The following CAMK2D variants were observed in gnomAD, a reference collection of about 807,000 sequenced individuals.
The protein encoded by CAMK2D is calcium/calmodulin dependent protein kinase II delta.
In CAMK2D, 37 loss-of-function variants were observed where a neutral mutation model predicts 84.0. That is an observed-to-expected ratio of 0.44 (90% CI 0.34 to 0.58). The LOEUF is 0.58. Ranked by LOEUF, CAMK2D falls within the 20% of genes least tolerant of loss-of-function variation. The pLI is 0.02. For synonymous variants in CAMK2D, 202 were observed against 212.5 expected (o/e 0.95, Z 0.43); for missense variants, 448 against 652.5 (o/e 0.69, Z 3.41).
chr4:113,673,632 C>T (rs1204964211), intron 2 of CAMK2D, among the ~76,000 whole-genome samples: 5 of 152,202 alleles, frequency 3.3e-5, no homozygotes. Flanking sequence ...GTTGGAACTG[C>T]ACCAGTGACT....
chr4:113,601,675 T>G (rs1173799900), intron 4 of CAMK2D, among the ~76,000 whole-genome samples: 2 of 146,976 alleles, frequency 1.4e-5, no homozygotes, highest in African/African-American at 5.0e-5. Context: ...GTAGATTAAC[T>G]GTTTATTCTT....
At chr4:113,637,037 G>A (rs1561515146) in intron 3 of CAMK2D, among the ~76,000 whole-genome samples, 1 of 152,128 alleles carries the variant, frequency 6.6e-6, no homozygotes, top group Non-Finnish European at 1.5e-5. Flanking sequence ...CCTCCCTCAG[G>A]TATCTGCAAG....
intron 2 of CAMK2D, among the ~76,000 whole-genome samples, chr4:113,731,276 T>C (rs1442982785): frequency 6.6e-6 from 1 of 152,208 alleles, no homozygotes; most frequent in Non-Finnish European, 1.5e-5. Context: ...ATTCATTTTA[T>C]AACTCTGTGT....
chr4:113,475,622 T>G (rs2097599667), intron 16 of CAMK2D, among the ~76,000 whole-genome samples: 1 of 152,238 alleles, frequency 6.6e-6, no homozygotes, highest in Non-Finnish European at 1.5e-5. Flanking sequence ...ATTTCAACTG[T>G]AAGAATGTCA....
At chr4:113,558,968 C>T (rs755821117) in intron 4 of CAMK2D, among the ~76,000 whole-genome samples, 2 of 151,920 alleles carry the variant, frequency 1.3e-5, no homozygotes, top group African/African-American at 4.8e-5. Flanking sequence ...GATGACAGAG[C>T]GAGACCCTGT....
At chr4:113,493,865 C>G (rs1295056413) in intron 16 of CAMK2D, among the ~76,000 whole-genome samples, 1 of 152,136 alleles carries the variant, frequency 6.6e-6, no homozygotes, top group African/African-American at 2.4e-5. Context: ...TTTCTCTAAA[C>G]TTCCCTTCTT....
At chr4:113,732,843 A>G (rs1340688449) in intron 2 of CAMK2D, among the ~76,000 whole-genome samples, 3 of 152,178 alleles carry the variant, frequency 2.0e-5, no homozygotes, top group East Asian at 3.8e-4. Context: ...TATGCAGCGC[A>G]TCCTATCAAA....
At chr4:113,705,232 C>T (rs1478255637) in intron 2 of CAMK2D, among the ~76,000 whole-genome samples, 2 of 147,938 alleles carry the variant, frequency 1.4e-5, no homozygotes, top group East Asian at 4.0e-4. Context: ...GAGGCTGAGG[C>T]AGGAGAATGT....
At chr4:113,706,196 C>T (rs995204007) in intron 2 of CAMK2D, among the ~76,000 whole-genome samples, 8 of 152,148 alleles carry the variant, frequency 5.3e-5, no homozygotes, top group African/African-American at 1.9e-4. Context: ...TATTATTAAA[C>T]CAGTGATGAA....
At chr4:113,760,861 C>T (rs2099639767) in intron 1 of CAMK2D, 143 bp downstream of exon 1, 3 of 981,784 alleles carry the variant, frequency 3.1e-6, no homozygotes, top group South Asian at 2.9e-5. Context: ...ACAGCACCTT[C>T]CCCAGAGCTG....
chr4:113,588,242 G>A (rs890363602), intron 4 of CAMK2D, among the ~76,000 whole-genome samples: 2 of 151,942 alleles, frequency 1.3e-5, no homozygotes, highest in Non-Finnish European at 2.9e-5. Context: ...AGGCTCCCCG[G>A]GTAATTGAAT....
chr4:113,633,327 A>T (rs529733049), intron 3 of CAMK2D, among the ~76,000 whole-genome samples: 1 of 152,294 alleles, frequency 6.6e-6, no homozygotes, highest in South Asian at 2.1e-4. Flanking sequence ...AGTTACCACA[A>T]TTCCTTGGTT....
chr4:113,691,181 G>C (rs2099386008), intron 2 of CAMK2D, among the ~76,000 whole-genome samples: 1 of 152,084 alleles, frequency 6.6e-6, no homozygotes. Context: ...ATATTAAAAA[G>C]ACATACGTCA....
chr4:113,487,995 T>C (rs763527119), intron 16 of CAMK2D, among the ~76,000 whole-genome samples: 49 of 152,062 alleles, frequency 3.2e-4, no homozygotes, highest in Non-Finnish European at 4.4e-4. Flanking sequence ...AGGTAAATTA[T>C]GTAACTTGCT....
At chr4:113,618,293 C>T (rs189220734) in intron 3 of CAMK2D, among the ~76,000 whole-genome samples, 65 of 152,202 alleles carry the variant, frequency 4.3e-4, no homozygotes, top group African/African-American at 1.4e-3. Context: ...ATTTATCTTG[C>T]CAAACCAAAA....
intron 4 of CAMK2D, among the ~76,000 whole-genome samples, chr4:113,606,437 T>C (rs1479614207): frequency 6.6e-6 from 1 of 150,616 alleles, no homozygotes; most frequent in African/African-American, 2.5e-5. Flanking sequence ...GCCACTGCAC[T>C]CAAGCCTGAA....
At chr4:113,470,477 A>C (rs1188304631) in intron 16 of CAMK2D, among the ~76,000 whole-genome samples, 1 of 152,130 alleles carries the variant, frequency 6.6e-6, no homozygotes, top group Non-Finnish European at 1.5e-5. Context: ...GTCTCTGCTA[A>C]AAGTACAAAC....
At chr4:113,513,110 T>C (rs2098238623) in intron 12 of CAMK2D, 1 of 948,460 alleles carries the variant, frequency 1.1e-6, no homozygotes, top group African/African-American at 1.8e-5. Context: ...GAAGCAGTCT[T>C]GTGAGGGGTT....
At chr4:113,671,531 C>T (rs145704238) in intron 2 of CAMK2D, among the ~76,000 whole-genome samples, 2 of 152,288 alleles carry the variant, frequency 1.3e-5, no homozygotes, top group African/African-American at 4.8e-5. Flanking sequence ...TTTCCTCCAT[C>T]GCACTTCTCT....
Sources: gnomAD v4.1 joint callset for allele counts (sites outside exome capture counted in the v4.1 genomes callset) on GRCh38, gnomAD v4.1.1 for gene constraint, MANE v1.5 for transcripts, NCBI Gene and HGNC (gene_info 2026-07-23, HGNC 2026-07-21) for gene names.